The following PPL variants were observed in gnomAD, a reference collection of about 807,000 sequenced individuals.
PPL encodes 190 kDa paraneoplastic pemphigus antigen.
PPL carries 198 observed loss-of-function variants against 194.4 expected under a neutral mutation model. The observed-to-expected ratio is 1.02, with a 90% CI of 0.91 to 1.15. PPL has a LOEUF of 1.15. Among genes scored for constraint, PPL ranks in the 50% most tolerant of loss-of-function variants. The pLI is 0.00. For missense variants in PPL, 2,885 were observed against 2,294.8 expected, an observed-to-expected ratio of 1.26 and a Z score of -5.25; for synonymous variants, 1,220 against 972.4, an observed-to-expected ratio of 1.25 and a Z score of -4.74.
chr16:4,901,489 G>C (rs940491968), intron 4 of PPL, among the ~76,000 whole-genome samples: 16 of 152,148 alleles, frequency 1.1e-4, no homozygotes, highest in African/African-American at 3.9e-4. Context: ...AGGAGTTTGA[G>C]ACCAGCCTGG....
intron 21 of PPL, 103 bp from the exon 22 acceptor site, chr16:4,886,150 C>G (rs1211563295): frequency 5.0e-6 from 7 of 1,399,062 alleles, no homozygotes; most frequent in Non-Finnish European, 6.9e-6. Flanking sequence ...CCCCAAGGGA[C>G]TCCCTCAGTG....
At chr16:4,890,388 G>A in intron 17 of PPL, 54 bp from the exon 18 acceptor site, 1 of 1,503,124 alleles carries the variant, frequency 6.7e-7, no homozygotes, top group South Asian at 1.3e-5. Context: ...GCCTCACCGA[G>A]CCCTCATTTT....
chr16:4,890,267 G>A lies in PPL; in HGVS notation c.2230C>T (p.Gln744Ter). ...TAACTGGGGATGCTGACTAGGAACT[G>A]CAGCACGTGGTCATGGCCGCGGTGG... ...HFHRGHDHVL[Q>*]FLVSIPSYEP... The change falls in exon 18 of 22, where the codon CAG (glutamine) becomes TAG (stop). Residue 744 changes from glutamine to a stop codon, truncating the protein, a stop_gained. Transcript: ENST00000345988. LOFTEE classifies it high-confidence loss of function. 4 of 1,614,216 alleles carry A rather than the reference G, an allele frequency of 2.5e-6. No homozygotes were observed. The highest frequency in any genetic ancestry group is 3.4e-6 in the Non-Finnish European group (4 of 1,180,026).
chr16:4,903,882 C>A lies in PPL; in HGVS notation c.317+4G>T. 1 of 1,613,890 alleles carries A rather than the reference C, an allele frequency of 6.2e-7. No homozygotes were observed. Among genetic ancestry groups the A allele is most frequent in the South Asian group, 1.1e-5 (1 of 91,086 alleles). Reference sequence around the variant, plus strand: ...CCCTGGGGTAAGAAGCAGAAGGGACCTACTCCTCGGCGATCATGTCCCCCT... The same window carrying A: ...CCCTGGGGTAAGAAGCAGAAGGGACATACTCCTCGGCGATCATGTCCCCCT... On this transcript the variant is annotated splice_donor_region_variant and intron_variant, in intron 3 of 21. Coordinates refer to ENST00000345988, the MANE Select transcript of PPL (RefSeq NM_002705.5).
Position 4,883,232 on chromosome 16 carries a change from T to A in PPL, c.*152A>T. ...CTGTCTTCAGCCAGTGCCTGTCTCA[T>A]ATGTGGGCGGGACTCTGAGCAGCCT... On this transcript the variant is annotated 3_prime_UTR_variant, in exon 22 of 22. Transcript: ENST00000345988. This position sits in a 1 kb window ranked among gnomAD's most constrained non-coding sequence, Gnocchi z 4.8. 1 of 999,910 alleles carries A rather than the reference T, an allele frequency of 1.0e-6. No individual in the cohort carries two copies. Among genetic ancestry groups the A allele is most frequent in the Non-Finnish European group, 1.5e-6 (1 of 677,662 alleles). 61.9% of individuals were successfully genotyped at this position (999,910 alleles called of 1,614,324 possible).
Position 4,902,492 on chromosome 16 carries a change from G to A in PPL, c.352C>T (p.Arg118Cys), listed in dbSNP as rs761966090. 1.9e-6 allele frequency: 3 copies of A among 1,613,742 alleles called. No homozygotes were observed. The highest frequency in any genetic ancestry group is 1.6e-4 in the Middle Eastern group (1 of 6,062). The change falls in exon 4 of 22, where the codon CGC becomes TGC. Residue 118 changes from arginine to cysteine, a missense_variant. By Grantham distance (180) the Arg-to-Cys change is radical. Coordinates refer to ENST00000345988, the MANE Select transcript of PPL (RefSeq NM_002705.5). The surrounding 1 kb of genome is among the most constrained non-coding windows in gnomAD (Gnocchi z 4.0). ...CTGTAGATCTGCTTGTGTTTCCCGC[G>A]CAGGTTGGTCACACGCTCCTTCAGC... ...RQLKERVTNLRGKHKQIYRLA... is the reference protein window; with the variant it reads ...RQLKERVTNLCGKHKQIYRLA...
chr16:4,889,603 T>G (rs1324700220), intron 18 of PPL, among the ~76,000 whole-genome samples: 1 of 152,112 alleles, frequency 6.6e-6, no homozygotes, highest in Non-Finnish European at 1.5e-5. Context: ...AAGATCATTA[T>G]CTCTGCTAGG....
Position 4,884,301 on chromosome 16 carries a change from C to A in PPL, c.4354G>T (p.Asp1452Tyr), listed in dbSNP as rs1266026862. The change falls in exon 22 of 22, where the codon GAC (aspartate) becomes TAC (tyrosine). Residue 1452 changes from aspartate to tyrosine, a missense_variant. Coordinates refer to ENST00000345988, the MANE Select transcript of PPL (RefSeq NM_002705.5). The surrounding 1 kb of genome is among the most constrained non-coding windows in gnomAD (Gnocchi z 5.7). ...GCATGCTCTCGCGCCTGCTGCGGGTCCTGCTGCAGCACCACCTTCTGCGTA... is the reference window on the plus strand; with the variant it reads ...GCATGCTCTCGCGCCTGCTGCGGGTACTGCTGCAGCACCACCTTCTGCGTA... ...THTQKVVLQQ[D>Y]PQQAREHALL... 1 of 1,612,536 alleles carries A rather than the reference C, an allele frequency of 6.2e-7. No homozygotes were observed. Among genetic ancestry groups the A allele is most frequent in the East Asian group, 2.2e-5 (1 of 44,874 alleles).
rs2734732 is a variant in PPL, at chr16:4,883,300, A to T, written c.*84T>A. Reference sequence around the variant, plus strand: ...TAAAATGCTTGGCCTGCACCAGGGCAAGGGAGAGGACGACACCAAGGAGGT... The same window carrying T: ...TAAAATGCTTGGCCTGCACCAGGGCTAGGGAGAGGACGACACCAAGGAGGT... On this transcript the variant is annotated 3_prime_UTR_variant, in exon 22 of 22. Coordinates refer to ENST00000345988, the MANE Select transcript of PPL (RefSeq NM_002705.5). The surrounding 1 kb of genome is among the most constrained non-coding windows in gnomAD (Gnocchi z 4.8). The T allele has an allele frequency of 0.99, 1,564,346 of 1,581,624 alleles. 775,088 individuals carry two copies. The highest frequency in any genetic ancestry group is 1 in the East Asian group (44,684 of 44,684).
intron 1 of PPL, among the ~76,000 whole-genome samples, chr16:4,912,887 T>C (rs1273425581): frequency 1.3e-5 from 2 of 152,136 alleles, no homozygotes; most frequent in Non-Finnish European, 2.9e-5. Flanking sequence ...GCGAATCACC[T>C]GAGATCAGGA....
intron 3 of PPL, among the ~76,000 whole-genome samples, chr16:4,903,046 G>A (rs1268662565): frequency 2.0e-5 from 3 of 152,186 alleles, no homozygotes; most frequent in South Asian, 2.1e-4. Flanking sequence ...CCTACTATGT[G>A]CCAGAATGAT....
chr16:4,893,078 A>T, intron 14 of PPL, 135 bp downstream of exon 14: 2 of 1,185,436 alleles, frequency 1.7e-6, no homozygotes, highest in Non-Finnish European at 2.3e-6. Context: ...ACCCTTTTAC[A>T]TGCAGCAGGC....
chr16:4,921,293 C>T (rs1193683679), intron 1 of PPL, among the ~76,000 whole-genome samples: 1 of 152,228 alleles, frequency 6.6e-6, no homozygotes, highest in Non-Finnish European at 1.5e-5. Flanking sequence ...AGGGACCAGA[C>T]AAGGGCTTCC....
chr16:4,894,703 G>C, intron 11 of PPL, 85 bp from the exon 12 acceptor site: 3 of 1,492,272 alleles, frequency 2.0e-6, no homozygotes, highest in South Asian at 2.4e-5. Flanking sequence ...CCCGACTCTT[G>C]GACCTGGGGA....
At chr16:4,916,986 G>C (rs2088930818) in intron 1 of PPL, among the ~76,000 whole-genome samples, 1 of 152,068 alleles carries the variant, frequency 6.6e-6, no homozygotes, top group African/African-American at 2.4e-5. Context: ...AAAAAAATTA[G>C]CTGGGCGTGG....
At position 4,885,501 on chromosome 16, in the gene PPL, C is replaced by G; in HGVS notation, c.3154G>C (p.Val1052Leu). The G allele has an allele frequency of 6.2e-7, 1 of 1,611,824 alleles. No individual in the cohort carries two copies. The highest frequency in any genetic ancestry group is 8.5e-7 in the Non-Finnish European group (1 of 1,179,990). Reference sequence around the variant, plus strand: ...AGTTTCACCACCTCTTTCTCTGTGACCTTCTCCTGCGCCCGGCTCTTCTCT... The same window carrying G: ...AGTTTCACCACCTCTTTCTCTGTGAGCTTCTCCTGCGCCCGGCTCTTCTCT... The part of the protein sequence containing the change: ...AEEKSRAQEK[V>L]TEKEVVKLQN... The change falls in exon 22 of 22, where the codon GTC (valine) becomes CTC (leucine). Residue 1052 changes from valine (V) to leucine (L), a missense_variant. Physicochemically the swap from Val to Leu is conservative, Grantham distance 32. Transcript: ENST00000345988. This position sits in a 1 kb window ranked among gnomAD's most constrained non-coding sequence, Gnocchi z 6.3.
Position 4,888,108 on chromosome 16 carries a change from C to T in PPL, c.2508G>A (p.Lys836=), listed in dbSNP as rs775986275. 6 of 1,612,554 alleles carry T rather than the reference C, an allele frequency of 3.7e-6. No individual in the cohort carries two copies. The highest frequency in any genetic ancestry group is 4.2e-6 in the Non-Finnish European group (5 of 1,178,556). ...ARLQSPATKV[K]EEEAALAAKF... ...CCTGGCCCATGGAACTCACCTCTTC[C>T]TTCACTTTGGTGGCAGGAGATTGGA... The change falls in exon 20 of 22, where the codon AAG becomes AAA. Residue 836 remains lysine (K), a synonymous_variant. Coordinates refer to ENST00000345988, the MANE Select transcript of PPL (RefSeq NM_002705.5).
At position 4,899,064 on chromosome 16, in the gene PPL, G is replaced by A. The variant is rs74003566; in HGVS notation, c.825C>T (p.Ser275=). The change falls in exon 8 of 22, where the codon AGC becomes AGT. Residue 275 remains serine, a synonymous_variant. Coordinates refer to ENST00000345988, the MANE Select transcript of PPL (RefSeq NM_002705.5). ...AKEERINKLH[S]EGDQLLAAEH... The stretch of plus-strand genomic sequence containing the variant: ...CGGCCGCCAGCAGCTGGTCGCCCTC[G>A]CTGTGCAGTTTGTTGATTCTCTCCT... 1.9e-3 allele frequency: 3,068 copies of A among 1,611,648 alleles called. 26 individuals are homozygous for A. The African/African-American group carries it at 0.027, about 14-fold the overall frequency.
chr16:4,895,199 A>G, intron 11 of PPL, 62 bp downstream of exon 11: 5 of 1,508,556 alleles, frequency 3.3e-6, no homozygotes, highest in Non-Finnish European at 4.4e-6. Flanking sequence ...GAGGCCCGGG[A>G]TCCAACCATG....
Sources: allele counts gnomAD v4.1 joint callset (sites outside exome capture counted in the v4.1 genomes callset), GRCh38; gene constraint gnomAD v4.1.1; non-coding constraint Gnocchi (gnomAD v3.1); transcripts MANE v1.5; gene names NCBI Gene and HGNC (gene_info 2026-07-23, HGNC 2026-07-21).